PPP2R1B: variants seen among roughly 807,000 people sequenced by gnomAD.
PPP2R1B encodes the protein serine/threonine-protein phosphatase 2A 65 kDa regulatory subunit A beta isoform.
PPP2R1B carries 58 observed loss-of-function variants against 72.7 expected under a neutral mutation model. That is an observed-to-expected ratio of 0.80 (90% CI 0.65 to 0.99). The LOEUF (loss-of-function observed/expected upper bound fraction) is 0.99, where lower values mean the gene tolerates loss of function less well. Ranked by LOEUF, PPP2R1B falls within the 50% of genes least tolerant of loss-of-function variation. The pLI, the probability that PPP2R1B is intolerant of heterozygous loss-of-function variation, is 0.00. For missense variants in PPP2R1B, 695 were observed against 733.6 expected (o/e 0.95, Z 0.61); for synonymous variants, 256 against 264.6 (o/e 0.97, Z 0.32).
downstream of PPP2R1B, chr11:111,723,731 C>G (rs775074794): frequency 1.3e-5 from 21 of 1,614,048 alleles, no homozygotes; most frequent in Non-Finnish European, 1.8e-5. Flanking sequence ...CAGCCAGTAC[C>G]AAGAGATGCA....
At chr11:111,707,865 C>T in the PPP2R1B span, among the ~76,000 whole-genome samples, 3 of 152,256 alleles carry the variant, frequency 2.0e-5, no homozygotes, top group Non-Finnish European at 4.4e-5. Context: ...TGAGTGACTT[C>T]GGGCAAGTCA....
At position 111,743,246 on chromosome 11, in the gene PPP2R1B, T is replaced by C; in HGVS notation, c.1554+130A>G. On this transcript the variant is annotated intron_variant, in intron 12 of 14. Transcript: ENST00000527614. Reference sequence around the variant, plus strand: ...AAAATTGACATTTTCTCTCATCTCCTGTCTATTCCAATTAATCAATACAAG... The same window carrying C: ...AAAATTGACATTTTCTCTCATCTCCCGTCTATTCCAATTAATCAATACAAG... The C allele has an allele frequency of 4.1e-6, 4 of 968,312 alleles. No individual in the cohort carries two copies. The South Asian group carries it at 7.1e-5, about 17-fold the overall frequency. The allele number at this position is 968,312 out of a possible 1,614,324, so 60.0% of individuals were successfully genotyped here.
downstream of PPP2R1B, chr11:111,721,958 C>A (rs757928902): frequency 1.3e-6 from 2 of 1,534,700 alleles, no homozygotes; most frequent in Non-Finnish European, 1.8e-6. Flanking sequence ...CTTCTCCTTG[C>A]GAGTCCACCT....
intron 11 of PPP2R1B, among the ~76,000 whole-genome samples, chr11:111,745,263 G>T (rs955492365): frequency 2.6e-5 from 4 of 152,022 alleles, no homozygotes; most frequent in Admixed American, 6.6e-5. Flanking sequence ...TGTTGGCCAG[G>T]CTGGTCTCGA....
At chr11:111,723,926 G>A, downstream of PPP2R1B, 1 of 1,613,852 alleles carries the variant, frequency 6.2e-7, no homozygotes, top group Non-Finnish European at 8.5e-7. Context: ...CCCTGCGCCA[G>A]ACTATCCCAC....
At chr11:111,765,262 C>T (rs987583604) in intron 2 of PPP2R1B, 32 bp downstream of exon 2, 1 of 1,566,710 alleles carries the variant, frequency 6.4e-7, no homozygotes, top group Non-Finnish European at 8.8e-7. Context: ...AATGGAATGT[C>T]CCTACCTTTC....
At chr11:111,693,251 T>A in the PPP2R1B span, among the ~76,000 whole-genome samples, 3 of 152,006 alleles carry the variant, frequency 2.0e-5, no homozygotes, top group Non-Finnish European at 2.9e-5. Context: ...AGAGAATCGC[T>A]TGAACCAGGG....
At position 111,740,678 on chromosome 11, in the gene PPP2R1B, T is replaced by C. The variant is rs753658619; in HGVS notation, c.*918A>G. 2.3e-5 allele frequency: 23 copies of C among 985,258 alleles called. No individual in the cohort carries two copies. In the Admixed American group the frequency reaches 2.5e-4, roughly 11 times the overall value. 61.0% of individuals were successfully genotyped at this position (985,258 alleles called of 1,614,324 possible). A position where few individuals can be genotyped will look rare whatever the true frequency, so the allele number is the denominator to read the frequency against. ...AAAACTTAGCAATAAAACTGCAGTTTGAAAAGCTACTGTACAATGCAGCAA... is the reference window on the plus strand; with the variant it reads ...AAAACTTAGCAATAAAACTGCAGTTCGAAAAGCTACTGTACAATGCAGCAA... On this transcript the variant is annotated 3_prime_UTR_variant, in exon 15 of 15. Transcript: ENST00000527614.
chr11:111,711,412 C>T, the PPP2R1B span, among the ~76,000 whole-genome samples: 4 of 152,168 alleles, frequency 2.6e-5, no homozygotes, highest in South Asian at 2.1e-4. Context: ...TGAGCCACCG[C>T]GCCTGGCCTT....
At chr11:111,736,076 T>G (rs1944331814), downstream of PPP2R1B, among the ~76,000 whole-genome samples, 1 of 152,024 alleles carries the variant, frequency 6.6e-6, no homozygotes, top group Non-Finnish European at 1.5e-5. Flanking sequence ...GAAAAAAGAT[T>G]CCCAAATAGA....
chr11:111,750,140 T>G (rs964487562), intron 10 of PPP2R1B, among the ~76,000 whole-genome samples: 1 of 152,226 alleles, frequency 6.6e-6, no homozygotes, highest in Non-Finnish European at 1.5e-5. Flanking sequence ...ACTTTCAATT[T>G]TATAAAACAT....
intron 11 of PPP2R1B, among the ~76,000 whole-genome samples, chr11:111,747,079 T>C (rs1310342190): frequency 6.6e-6 from 1 of 152,092 alleles, no homozygotes; most frequent in African/African-American, 2.4e-5. Flanking sequence ...AATACATATA[T>C]CAAGTATATA....
the PPP2R1B span, among the ~76,000 whole-genome samples, chr11:111,713,754 G>A: frequency 3.3e-5 from 5 of 152,172 alleles, no homozygotes; most frequent in East Asian, 7.7e-4. Context: ...AGATCATGAC[G>A]TCAGGAGTTC....
Position 111,740,286 on chromosome 11 carries a change from C to T in PPP2R1B, c.*1310G>A, listed in dbSNP as rs1944475253. The T allele has an allele frequency of 3.2e-6, 3 of 931,860 alleles. No homozygotes were observed. The highest frequency in any genetic ancestry group is 5.0e-5 in the South Asian group (1 of 20,170). 57.7% of individuals were successfully genotyped at this position (931,860 alleles called of 1,614,324 possible). A position where few individuals can be genotyped will look rare whatever the true frequency, so the allele number is the denominator to read the frequency against. Reference sequence around the variant, plus strand: ...AGGCTAGAGTGCAGTGGCGCGATCTCGGCTCAGTGCAACCTCTACCTCCCA... The same window carrying T: ...AGGCTAGAGTGCAGTGGCGCGATCTTGGCTCAGTGCAACCTCTACCTCCCA... On this transcript the variant is annotated 3_prime_UTR_variant, in exon 15 of 15. Coordinates refer to ENST00000527614, the MANE Select transcript of PPP2R1B (RefSeq NM_002716.5).
chr11:111,748,247 G>A (rs1369026551), intron 10 of PPP2R1B, among the ~76,000 whole-genome samples: 2 of 152,188 alleles, frequency 1.3e-5, no homozygotes, highest in East Asian at 3.8e-4. Context: ...CTAGGTAAAA[G>A]AGAACAGGGT....
downstream of PPP2R1B, chr11:111,725,951 A>C (rs1317481092): frequency 2.0e-5 from 3 of 152,246 alleles, no homozygotes; most frequent in East Asian, 5.8e-4. Flanking sequence ...ACACACAGTG[A>C]AAATCCAGGA....
intron 15 of PPP2R1B, among the ~76,000 whole-genome samples, chr11:111,731,446 C>T (rs895561017): frequency 2.6e-5 from 4 of 152,282 alleles, no homozygotes; most frequent in African/African-American, 7.2e-5. Context: ...TCCACGCCCT[C>T]AGGGTGCTGG....
chr11:111,755,060 T>C lies in PPP2R1B; in HGVS notation c.878A>G (p.Asn293Ser), dbSNP rs1172581000. 8 of 1,613,828 alleles carry C rather than the reference T, an allele frequency of 5.0e-6. No individual in the cohort carries two copies. Among genetic ancestry groups the C allele is most frequent in the Non-Finnish European group, 6.8e-6 (8 of 1,179,842 alleles). Residue 293 changes from asparagine to serine, a missense_variant, in exon 7 of 15, where the codon AAT becomes AGT. Asn to Ser is a conservative substitution (Grantham distance 46, BLOSUM62 1). Coordinates refer to ENST00000527614, the MANE Select transcript of PPP2R1B (RefSeq NM_002716.5). ...GTTCTGAAAGGCGGGGATGAGGTCA[T>C]TTAGGGTGATTTTAGGACCCATGGC... Reference protein sequence around the residue: ...QKAMGPKITLNDLIPAFQNLL... With the variant: ...QKAMGPKITLSDLIPAFQNLL...
At chr11:111,766,120 C>T (rs1260326937) in intron 1 of PPP2R1B, 128 bp downstream of exon 1, 1 of 858,332 alleles carries the variant, frequency 1.2e-6, no homozygotes, top group African/African-American at 1.7e-5. Context: ...CCCGCCTCCC[C>T]TTCAAGTTTC....
Sources: allele counts gnomAD v4.1 joint callset (sites outside exome capture counted in the v4.1 genomes callset), GRCh38; gene constraint gnomAD v4.1.1; transcripts MANE v1.5; gene names NCBI Gene and HGNC (gene_info 2026-07-23, HGNC 2026-07-21).